Variants in GALNT10 observed in about 807,000 individuals in gnomAD.
GALNT10 encodes the protein polypeptide N-acetylgalactosaminyltransferase 10, also known as GalNAc transferase 10.
GALNT10 carries 41 observed loss-of-function variants against 75.0 expected under a neutral mutation model. That is an observed-to-expected ratio of 0.55 (90% CI 0.43 to 0.71). The LOEUF is 0.71. Ranked by LOEUF, GALNT10 falls within the 30% of genes least tolerant of loss-of-function variation. The probability of loss-of-function intolerance (pLI) is 0.00; values close to 1 mark genes in which losing one functional copy is unlikely to be tolerated. For synonymous variants in GALNT10, 302 were observed against 313.0 expected, an observed-to-expected ratio of 0.96 and a Z score of 0.37; for missense variants, 727 against 818.5, an observed-to-expected ratio of 0.89 and a Z score of 1.36.
At chr5:154,377,451 T>A (rs1561676171) in intron 5 of GALNT10, among the ~76,000 whole-genome samples, 1 of 152,186 alleles carries the variant, frequency 6.6e-6, no homozygotes, top group Non-Finnish European at 1.5e-5. Context: ...TGAGCGTGCA[T>A]CAGAATCACC....
Position 154,243,296 on chromosome 5 carries a change from T to C in GALNT10, c.160-51520T>C, listed in dbSNP as rs541658028. Among the ~76,000 whole-genome samples, 23 of 152,364 alleles carry C rather than the reference T, an allele frequency of 1.5e-4. No individual in the cohort carries two copies. In the South Asian group the frequency reaches 4.8e-3, roughly 32 times the overall value. On this transcript the variant is annotated intron_variant, in intron 1 of 11. Coordinates refer to ENST00000297107, the MANE Select transcript of GALNT10 (RefSeq NM_198321.4). ...TTTGCTTTCTACTCCCACTCACTTC[T>C]GAGCATTTGCAGTTCCCATAACAGA...
In GALNT10 at chr5:154,409,488, C is replaced by A; in HGVS notation, c.1165-53C>A. On this transcript the variant is annotated intron_variant, in intron 8 of 11. Coordinates refer to ENST00000297107, the MANE Select transcript of GALNT10 (RefSeq NM_198321.4). This position sits in a 1 kb window ranked among gnomAD's most constrained non-coding sequence, Gnocchi z 4.5. ...GCCAGGACCCTTTTCACCCCACTGC[C>A]TGGCTTTGGCTTCTTGGAAAGACTG... The A allele has an allele frequency of 8.3e-7, 1 of 1,211,268 alleles. No homozygotes were observed. The highest frequency in any genetic ancestry group is 1.2e-6 in the Non-Finnish European group (1 of 811,756). 75.0% of individuals were successfully genotyped at this position (1,211,268 alleles called of 1,614,324 possible).
chr5:154,270,680 A>T (rs1346852092), intron 1 of GALNT10, among the ~76,000 whole-genome samples: 2 of 152,106 alleles, frequency 1.3e-5, no homozygotes, highest in Non-Finnish European at 2.9e-5. Context: ...ATTACACACC[A>T]TGTTCAGGGT....
intron 1 of GALNT10, among the ~76,000 whole-genome samples, chr5:154,248,005 A>G (rs1753456646): frequency 6.6e-6 from 1 of 152,194 alleles, no homozygotes; most frequent in Non-Finnish European, 1.5e-5. Flanking sequence ...TAATTTATTG[A>G]GAGTTTTTAG....
chr5:154,377,619 G>GC (rs974258959), intron 5 of GALNT10, among the ~76,000 whole-genome samples: 1 of 152,170 alleles, frequency 6.6e-6, no homozygotes, highest in Non-Finnish European at 1.5e-5. Flanking sequence ...GTTAGGGAAT[G>GC]CCACCATTCA....
At chr5:154,344,915 G>C (rs983042631) in intron 4 of GALNT10, among the ~76,000 whole-genome samples, 1 of 152,104 alleles carries the variant, frequency 6.6e-6, no homozygotes, top group Non-Finnish European at 1.5e-5. Context: ...CCTATTGCTG[G>C]CCAGGCATAG....
chr5:154,291,608 G>A (rs1047349994), intron 1 of GALNT10, among the ~76,000 whole-genome samples: 2 of 152,162 alleles, frequency 1.3e-5, no homozygotes, highest in East Asian at 1.9e-4. Context: ...TCCTAGCAGC[G>A]ACCCAACTTT....
intron 1 of GALNT10, among the ~76,000 whole-genome samples, chr5:154,195,870 T>C (rs1444033077): frequency 1.3e-5 from 2 of 152,232 alleles, no homozygotes; most frequent in Non-Finnish European, 2.9e-5. Context: ...GCTATTTTTT[T>C]GTAGATCTAT....
At chr5:154,223,509 G>A (rs950159155) in intron 1 of GALNT10, among the ~76,000 whole-genome samples, 4 of 152,232 alleles carry the variant, frequency 2.6e-5, no homozygotes, top group African/African-American at 7.2e-5. Flanking sequence ...AGAGCAAGAA[G>A]TGAACATTTA....
At chr5:154,310,913 C>G (rs889029) in intron 3 of GALNT10, among the ~76,000 whole-genome samples, 68,576 of 152,076 alleles carry the variant, frequency 0.45, 16,790 homozygotes, top group East Asian at 0.63. Flanking sequence ...TGCTCATATA[C>G]CTTAAAATAA....
intron 1 of GALNT10, among the ~76,000 whole-genome samples, chr5:154,217,398 G>A (rs879727158): frequency 1.3e-5 from 2 of 152,170 alleles, no homozygotes; most frequent in South Asian, 4.1e-4. Flanking sequence ...GCCTTACAGG[G>A]TTTGTTGTGA....
chr5:154,232,025 G>A (rs6883578), intron 1 of GALNT10, among the ~76,000 whole-genome samples: 125,933 of 152,184 alleles, frequency 0.83, 52,466 homozygotes, highest in East Asian at 0.93. Context: ...TCTGCCCTCC[G>A]GGGGGAGAGA....
Position 154,416,057 on chromosome 5 carries a change from G to A in GALNT10, c.1653+125G>A, listed in dbSNP as rs151172023. Reference sequence around the variant, plus strand: ...ATTTGTGCCACAAACCTACCATGCCGGATTTTGTAGTCATTCAAGAGTAGT... The same window carrying A: ...ATTTGTGCCACAAACCTACCATGCCAGATTTTGTAGTCATTCAAGAGTAGT... On this transcript the variant is annotated intron_variant, in intron 11 of 11. Coordinates refer to ENST00000297107, the MANE Select transcript of GALNT10 (RefSeq NM_198321.4). This position sits in a 1 kb window ranked among gnomAD's most constrained non-coding sequence, Gnocchi z 4.5. 94 of 832,378 alleles carry A rather than the reference G, an allele frequency of 1.1e-4. No individual in the cohort carries two copies. Among genetic ancestry groups the A allele is most frequent in the East Asian group, 1.0e-3 (39 of 37,292 alleles). The allele number at this position is 832,378 out of a possible 1,614,324, so 51.6% of individuals were successfully genotyped here. A position where few individuals can be genotyped will look rare whatever the true frequency, so the allele number is the denominator to read the frequency against.
intron 1 of GALNT10, among the ~76,000 whole-genome samples, chr5:154,209,391 A>C (rs1189248418): frequency 6.6e-6 from 1 of 152,244 alleles, no homozygotes; most frequent in African/African-American, 2.4e-5. Context: ...CAGGCAGTGA[A>C]GGTGGGTTTG....
intron 1 of GALNT10, among the ~76,000 whole-genome samples, chr5:154,242,838 T>G (rs1164231476): frequency 6.6e-6 from 1 of 152,222 alleles, no homozygotes; most frequent in East Asian, 1.9e-4. Flanking sequence ...TGGAGCACAA[T>G]AGCCACCACT....
At chr5:154,283,608 C>T (rs1299825113) in intron 1 of GALNT10, among the ~76,000 whole-genome samples, 1 of 152,212 alleles carries the variant, frequency 6.6e-6, no homozygotes, top group East Asian at 1.9e-4. Flanking sequence ...AGAGAGTTCT[C>T]AGTTTCCAAG....
At chr5:154,313,163 G>A (rs190117745) in intron 3 of GALNT10, among the ~76,000 whole-genome samples, 193 of 152,192 alleles carry the variant, frequency 1.3e-3, no homozygotes, top group African/African-American at 4.4e-3. Context: ...ACAAAAATTA[G>A]CCGGGCGTGA....
Position 154,337,784 on chromosome 5 carries a change from G to A in GALNT10, c.568+8046G>A, listed in dbSNP as rs1178643445. 33 of 1,060,586 alleles carry A rather than the reference G, an allele frequency of 3.1e-5. No homozygotes were observed. In the Middle Eastern group the frequency reaches 1.5e-3, roughly 47 times the overall value. The allele number at this position is 1,060,586 out of a possible 1,614,324, so 65.7% of individuals were successfully genotyped here. On this transcript the variant is annotated intron_variant, in intron 4 of 11. Coordinates refer to ENST00000297107, the MANE Select transcript of GALNT10 (RefSeq NM_198321.4). ...CACTGAAGTTTCATCCATGACCAAA[G>A]TTGTCATTCCCACTAAAACCACCTC... is the stretch of plus-strand genomic sequence containing the variant.
intron 1 of GALNT10, among the ~76,000 whole-genome samples, chr5:154,254,000 C>T (rs1264847433): frequency 6.6e-6 from 1 of 152,124 alleles, no homozygotes; most frequent in Non-Finnish European, 1.5e-5. Context: ...CTGCATTGGG[C>T]AGAAATCCTC....
Sources: allele counts gnomAD v4.1 joint callset (sites outside exome capture counted in the v4.1 genomes callset), GRCh38; gene constraint gnomAD v4.1.1; non-coding constraint Gnocchi (gnomAD v3.1); transcripts MANE v1.5; gene names NCBI Gene and HGNC (gene_info 2026-07-23, HGNC 2026-07-21).